The following GPR141 variants were observed in gnomAD, a reference collection of about 807,000 sequenced individuals.
GPR141 encodes G protein-coupled receptor 141, also known as probable G protein-coupled receptor 141.
Under a neutral mutation model 6.8 loss-of-function variants are expected in GPR141, and 6 were observed. That is an observed-to-expected ratio of 0.88 (90% CI 0.48 to 1.74). GPR141 has a LOEUF of 1.74. Ranked by LOEUF, GPR141 falls within the 40% of genes most tolerant of loss-of-function variation. GPR141 has a pLI of 0.01. For synonymous variants in GPR141, 140 were observed against 142.3 expected (o/e 0.98, Z 0.11); for missense variants, 372 against 372.9 (o/e 1.00, Z 0.02).
At chr7:37,727,465 A>T (rs1044862593) in intron 2 of GPR141, among the ~76,000 whole-genome samples, 1 of 152,146 alleles carries the variant, frequency 6.6e-6, no homozygotes, top group Admixed American at 6.5e-5. Flanking sequence ...GTCTTATTTC[A>T]CACCATTCTC....
intron 2 of GPR141, among the ~76,000 whole-genome samples, chr7:37,731,252 A>G (rs896544503): frequency 6.6e-6 from 1 of 152,216 alleles, no homozygotes; most frequent in Non-Finnish European, 1.5e-5. Flanking sequence ...GGGATTAGAG[A>G]CAGGCTGTTA....
chr7:37,741,132 T>G lies in GPR141; in HGVS notation c.739T>G (p.Tyr247Asp), dbSNP rs1322358190. ...CFLPYQFFRI[Y>D]YLNVVTHSNA... ...CCTTCCCTACCAGTTCTTTAGGATC[T>G]ATTACTTGAATGTTGTGACGCATTC... The change falls in exon 3 of 3, where the codon TAT becomes GAT. Residue 247 changes from tyrosine (Y) to aspartate (D), a missense_variant. Coordinates refer to ENST00000334425, the MANE Select transcript of GPR141 (RefSeq NM_001381946.1). 6.2e-7 allele frequency: 1 copy of G among 1,614,058 alleles called. No homozygotes were observed. The highest frequency in any genetic ancestry group is 2.2e-5 in the East Asian group (1 of 44,890).
chr7:37,717,474 GAGA>G (rs1811102208), intron 2 of GPR141, among the ~76,000 whole-genome samples: 1 of 152,170 alleles, frequency 6.6e-6, no homozygotes, highest in Admixed American at 6.5e-5. Context: ...GACCATAATG[GAGA>G]AGACCACTTT....
intron 2 of GPR141, among the ~76,000 whole-genome samples, chr7:37,702,280 C>T (rs1810308947): frequency 1.3e-5 from 2 of 151,880 alleles, no homozygotes; most frequent in African/African-American, 4.8e-5. Flanking sequence ...TACTATTTGT[C>T]AATATTGTTT....
intron 2 of GPR141, among the ~76,000 whole-genome samples, chr7:37,732,625 ATAGG>A (rs543722195): frequency 1.9e-3 from 296 of 152,318 alleles, no homozygotes; most frequent in Non-Finnish European, 3.7e-3. Flanking sequence ...ACAAGTGATC[ATAGG>A]TAGGTGGGAT....
chr7:37,721,943 T>C (rs1425172079), intron 2 of GPR141, among the ~76,000 whole-genome samples: 1 of 152,188 alleles, frequency 6.6e-6, no homozygotes, highest in Non-Finnish European at 1.5e-5. Context: ...TGAATAAAGA[T>C]TAATGGTTGA....
intron 2 of GPR141, among the ~76,000 whole-genome samples, chr7:37,729,474 T>A (rs1269655215): frequency 6.6e-6 from 1 of 152,206 alleles, no homozygotes. Flanking sequence ...GTCAGGGCAC[T>A]TTTTCACCAT....
At chr7:37,707,654 C>T (rs1230905832) in intron 2 of GPR141, among the ~76,000 whole-genome samples, 2 of 152,114 alleles carry the variant, frequency 1.3e-5, no homozygotes, top group African/African-American at 2.4e-5. Flanking sequence ...ATTATGGAGA[C>T]ATTAAGTAAA....
chr7:37,693,158 C>G (rs372548099), intron 2 of GPR141, among the ~76,000 whole-genome samples: 38 of 152,240 alleles, frequency 2.5e-4, no homozygotes, highest in African/African-American at 9.2e-4. Flanking sequence ...AAGTCTTTAA[C>G]CATCTTGAGT....
intron 2 of GPR141, among the ~76,000 whole-genome samples, chr7:37,688,278 A>C (rs2131724222): frequency 6.6e-6 from 1 of 151,980 alleles, no homozygotes; most frequent in East Asian, 1.9e-4. Flanking sequence ...TAAAAATACA[A>C]AAATTGGCTG....
intron 2 of GPR141, among the ~76,000 whole-genome samples, chr7:37,713,700 G>T (rs1036385888): frequency 1.3e-5 from 2 of 152,126 alleles, no homozygotes; most frequent in East Asian, 3.8e-4. Flanking sequence ...CTTTAAAGTT[G>T]CTGTGAAAAA....
At chr7:37,729,730 A>G (rs943420602) in intron 2 of GPR141, among the ~76,000 whole-genome samples, 4 of 152,248 alleles carry the variant, frequency 2.6e-5, no homozygotes, top group Non-Finnish European at 5.9e-5. Flanking sequence ...GATGTGCAAG[A>G]CTGTGTGAGT....
intron 2 of GPR141, among the ~76,000 whole-genome samples, chr7:37,728,965 A>G (rs1369392709): frequency 6.6e-6 from 1 of 152,176 alleles, no homozygotes; most frequent in Non-Finnish European, 1.5e-5. Context: ...TGATGATGCA[A>G]TTTGGACTTC....
chr7:37,695,893 T>C (rs1341835206), intron 2 of GPR141, among the ~76,000 whole-genome samples: 1 of 152,366 alleles, frequency 6.6e-6, no homozygotes, highest in East Asian at 1.9e-4. Flanking sequence ...TTATCTCTAT[T>C]CTACTTTCAG....
At chr7:37,713,893 T>G (rs554399468) in intron 2 of GPR141, among the ~76,000 whole-genome samples, 32 of 152,358 alleles carry the variant, frequency 2.1e-4, no homozygotes, top group African/African-American at 6.3e-4. Context: ...CAGTATTGAT[T>G]GAGCAATCCC....
rs1049548651 is a variant in GPR141, at chr7:37,721,096, G to A, written c.-14-19284G>A. Reference sequence around the variant, plus strand: ...ATGTCACTTTTTCTCTTTTTTCATAGGAAAGGGACTTCTGTGTTGCTGTGA... The same window carrying A: ...ATGTCACTTTTTCTCTTTTTTCATAAGAAAGGGACTTCTGTGTTGCTGTGA... On this transcript the variant is annotated intron_variant, in intron 2 of 2. Transcript: ENST00000334425. 1.1e-4 allele frequency among the ~76,000 whole-genome samples: 17 copies of A among 151,896 alleles called. No individual in the cohort carries two copies. In the Admixed American group the frequency reaches 1.1e-3, roughly 10 times the overall value.
rs147119562 is a variant in GPR141, at chr7:37,709,025, G to C, written c.-15+23442G>C. Reference sequence around the variant, plus strand: ...ATTATATATATATCCACAAGCTATAGCACCTATTTTGAGTGCATCTAAGAC... The same window carrying C: ...ATTATATATATATCCACAAGCTATACCACCTATTTTGAGTGCATCTAAGAC... On this transcript the variant is annotated intron_variant, in intron 2 of 2. Coordinates refer to ENST00000334425, the MANE Select transcript of GPR141 (RefSeq NM_001381946.1). Among the ~76,000 whole-genome samples the C allele has an allele frequency of 5.0e-3, 754 of 152,148 alleles. 6 individuals are homozygous for C. Among genetic ancestry groups the C allele is most frequent in the African/African-American group, 0.017 (720 of 41,512 alleles).
intron 2 of GPR141, chr7:37,730,092 CCTA>C (rs1485747717): frequency 3.9e-5 from 6 of 152,140 alleles, no homozygotes; most frequent in African/African-American, 1.4e-4. Context: ...ACCCTCAGAA[CCTA>C]CTCTCCTATT....
intron 2 of GPR141, among the ~76,000 whole-genome samples, chr7:37,718,168 T>C (rs1199468514): frequency 6.6e-6 from 1 of 152,020 alleles, no homozygotes; most frequent in East Asian, 1.9e-4. Context: ...GACTATAGTC[T>C]AGTGAGGAAA....
Sources: gnomAD v4.1 joint callset for allele counts (sites outside exome capture counted in the v4.1 genomes callset) on GRCh38, gnomAD v4.1.1 for gene constraint, MANE v1.5 for transcripts, NCBI Gene and HGNC (gene_info 2026-07-23, HGNC 2026-07-21) for gene names.